The following FBXO4 variants were observed in gnomAD, a reference collection of about 807,000 sequenced individuals.
FBXO4 encodes the protein F-box only protein 4.
In FBXO4, 36 loss-of-function variants were observed where a neutral mutation model predicts 43.7. The ratio of observed to expected loss-of-function variants is 0.82; its 90% CI spans 0.63 to 1.09. The LOEUF (loss-of-function observed/expected upper bound fraction) is 1.09, where lower values mean the gene tolerates loss of function less well. Ranked by LOEUF, FBXO4 falls within the 50% of genes least tolerant of loss-of-function variation. The pLI is 0.00. For missense variants in FBXO4, 435 were observed against 474.1 expected, an observed-to-expected ratio of 0.92 and a Z score of 0.77; for synonymous variants, 180 against 165.6, an observed-to-expected ratio of 1.09 and a Z score of -0.67.
At position 41,941,445 on chromosome 5, in the gene FBXO4, C is replaced by G. The variant is rs943051722; in HGVS notation, c.*164C>G. 1.4e-5 allele frequency: 6 copies of G among 435,762 alleles called. No individual in the cohort carries two copies. The highest frequency in any genetic ancestry group is 2.5e-5 in the Non-Finnish European group (6 of 241,800). The allele number at this position is 435,762 out of a possible 1,614,324, so 27.0% of individuals were successfully genotyped here. A position where few individuals can be genotyped will look rare whatever the true frequency, so the allele number is the denominator to read the frequency against. ...TTTTTATATTATTTTTACTCTTTACCATAAATCAATTACAAGAAAAGAGTT... is the reference window on the plus strand; with the variant it reads ...TTTTTATATTATTTTTACTCTTTACGATAAATCAATTACAAGAAAAGAGTT... On this transcript the variant is annotated 3_prime_UTR_variant, in exon 7 of 7. Coordinates refer to ENST00000281623, the MANE Select transcript of FBXO4 (RefSeq NM_012176.3).
chr5:42,017,523 A>G, the FBXO4 span, among the ~76,000 whole-genome samples: 3 of 151,626 alleles, frequency 2.0e-5, no homozygotes, highest in African/African-American at 4.8e-5. Flanking sequence ...AAGGTTTGGG[A>G]CATGAATTAT....
In FBXO4 at chr5:41,934,133, A is replaced by G; in HGVS notation, c.723A>G (p.Arg241=). 6.2e-7 allele frequency: 1 copy of G among 1,613,612 alleles called. No individual in the cohort carries two copies. The highest frequency in any genetic ancestry group is 8.5e-7 in the Non-Finnish European group (1 of 1,179,844). ...FNILILYSTT[R]KERDRAREEH... ...TCTGTCTTTACAATTTTTTTTCTAGAAAGGAAAGAGATAGAGCAAGGGAAG... is the reference window on the plus strand; with the variant it reads ...TCTGTCTTTACAATTTTTTTTCTAGGAAGGAAAGAGATAGAGCAAGGGAAG... The change falls in exon 5 of 7, where the codon AGA becomes AGG. Residue 241 remains arginine, a splice_region_variant and synonymous_variant. Coordinates refer to ENST00000281623, the MANE Select transcript of FBXO4 (RefSeq NM_012176.3).
the FBXO4 span, among the ~76,000 whole-genome samples, chr5:41,988,196 T>G: frequency 4.6e-5 from 7 of 152,140 alleles, no homozygotes; most frequent in Non-Finnish European, 1.0e-4. Flanking sequence ...GATTGTGAAC[T>G]TCACATGTCC....
chr5:41,976,017 G>A, the FBXO4 span, among the ~76,000 whole-genome samples: 1 of 151,958 alleles, frequency 6.6e-6, no homozygotes, highest in Non-Finnish European at 1.5e-5. Flanking sequence ...AAGAGAGAGG[G>A]GAGAGGTTCC....
chr5:41,929,967 T>A, intron 3 of FBXO4, 50 bp downstream of exon 3: 1 of 1,353,208 alleles, frequency 7.4e-7, no homozygotes. Context: ...GAGCTTGACA[T>A]TCTTGTTAAA....
chr5:41,973,047 T>C, the FBXO4 span, among the ~76,000 whole-genome samples: 2 of 152,016 alleles, frequency 1.3e-5, no homozygotes, highest in South Asian at 4.1e-4. Context: ...AAAAGCAGTA[T>C]CAACAAAACC....
the FBXO4 span, among the ~76,000 whole-genome samples, chr5:41,997,759 C>T: frequency 4.1e-4 from 62 of 152,292 alleles, 1 homozygote; most frequent in African/African-American, 1.5e-3. Context: ...GATCATTTCC[C>T]TTTCCCCAGT....
At chr5:41,967,707 A>C in the FBXO4 span, 5 of 629,256 alleles carry the variant, frequency 7.9e-6, no homozygotes, top group Admixed American at 1.9e-5. Flanking sequence ...TTCACCCTAC[A>C]TTAATTACAT....
At chr5:41,962,762 G>C in the FBXO4 span, among the ~76,000 whole-genome samples, 1 of 152,166 alleles carries the variant, frequency 6.6e-6, no homozygotes, top group Non-Finnish European at 1.5e-5. Context: ...TGAGTACTCT[G>C]TGAATGCCTC....
chr5:42,006,744 A>G, the FBXO4 span, among the ~76,000 whole-genome samples: 2 of 151,386 alleles, frequency 1.3e-5, no homozygotes, highest in African/African-American at 4.8e-5. Flanking sequence ...GCAAACCATC[A>G]GTTTCAGAGT....
At chr5:41,981,786 A>G in the FBXO4 span, among the ~76,000 whole-genome samples, 1 of 150,020 alleles carries the variant, frequency 6.7e-6, no homozygotes, top group Non-Finnish European at 1.5e-5. Context: ...TCTAGGGTAC[A>G]TGTGCACAAC....
intron 1 of FBXO4, among the ~76,000 whole-genome samples, chr5:41,926,684 GTAAC>G (rs1367635690): frequency 1.3e-5 from 2 of 152,222 alleles, no homozygotes; most frequent in Non-Finnish European, 2.9e-5. Flanking sequence ...ACTAATTTAT[GTAAC>G]TAACTGGTAT....
the FBXO4 span, among the ~76,000 whole-genome samples, chr5:41,989,947 A>G: frequency 2.0e-5 from 3 of 152,282 alleles, no homozygotes; most frequent in East Asian, 5.8e-4. Context: ...GGGACCGAAT[A>G]TATGCCTGGT....
the FBXO4 span, chr5:41,951,518 T>C: frequency 7.7e-6 from 2 of 259,816 alleles, no homozygotes; most frequent in Non-Finnish European, 1.5e-5. Context: ...CTGTTCGCCC[T>C]GAAATTCCTC....
the FBXO4 span, among the ~76,000 whole-genome samples, chr5:41,972,142 T>C: frequency 6.6e-6 from 1 of 151,988 alleles, no homozygotes; most frequent in East Asian, 1.9e-4. Context: ...AGAGAGGAGG[T>C]AAAATTATTT....
At chr5:42,003,130 A>G in the FBXO4 span, among the ~76,000 whole-genome samples, 1 of 152,236 alleles carries the variant, frequency 6.6e-6, no homozygotes, top group East Asian at 1.9e-4. Context: ...TACAATCACA[A>G]AGTCTTTTCA....
the FBXO4 span, among the ~76,000 whole-genome samples, chr5:41,949,911 C>G: frequency 6.6e-6 from 1 of 152,156 alleles, no homozygotes; most frequent in Non-Finnish European, 1.5e-5. Flanking sequence ...AATAATGCCA[C>G]ATATCTACAA....
At chr5:42,014,329 T>C in the FBXO4 span, among the ~76,000 whole-genome samples, 5 of 152,328 alleles carry the variant, frequency 3.3e-5, no homozygotes, top group African/African-American at 9.6e-5. Flanking sequence ...TTTTCAGGAA[T>C]TTATACTATA....
the FBXO4 span, among the ~76,000 whole-genome samples, chr5:41,958,074 G>T: frequency 2.0e-5 from 3 of 151,146 alleles, no homozygotes; most frequent in South Asian, 2.1e-4. Flanking sequence ...TAACATATAC[G>T]TTATCTCACA....
Sources: gnomAD v4.1 joint callset for allele counts (sites outside exome capture counted in the v4.1 genomes callset) on GRCh38, gnomAD v4.1.1 for gene constraint, MANE v1.5 for transcripts, NCBI Gene and HGNC (gene_info 2026-07-23, HGNC 2026-07-21) for gene names.